Variants in NTRK3 observed in about 807,000 individuals in gnomAD.
The protein encoded by NTRK3 is neurotrophic receptor tyrosine kinase 3.
NTRK3 carries 24 observed loss-of-function variants against 91.7 expected under a neutral mutation model. That is an observed-to-expected ratio of 0.26 (90% CI 0.19 to 0.37). The LOEUF (loss-of-function observed/expected upper bound fraction) is 0.37, where lower values mean the gene tolerates loss of function less well. Among genes scored for constraint, NTRK3 ranks in the 10% least tolerant of loss-of-function variants. The pLI is 1.00. For missense variants in NTRK3, 880 were observed against 1,068.9 expected (o/e 0.82, Z 2.46); for synonymous variants, 483 against 404.0 (o/e 1.20, Z -2.34).
intron 9 of NTRK3, 105 bp downstream of exon 9, chr15:88,135,794 A>G: frequency 6.9e-7 from 1 of 1,459,338 alleles, no homozygotes; most frequent in Admixed American, 1.9e-5. Context: ...CTGGTAGATC[A>G]GCTCACTGCT....
intron 3 of NTRK3, among the ~76,000 whole-genome samples, chr15:88,223,750 T>G (rs2050439114): frequency 6.6e-6 from 1 of 152,168 alleles, no homozygotes; most frequent in Non-Finnish European, 1.5e-5. Context: ...CTACTGCACA[T>G]TAAAAACCCT....
At chr15:87,940,023 G>T (rs2069669094) in intron 15 of NTRK3, among the ~76,000 whole-genome samples, 1 of 152,176 alleles carries the variant, frequency 6.6e-6, no homozygotes, top group Non-Finnish European at 1.5e-5. Flanking sequence ...GCAGCTGCCA[G>T]GAGGAAGTTT....
chr15:88,016,519 G>A (rs2077243310), intron 14 of NTRK3, among the ~76,000 whole-genome samples: 1 of 152,244 alleles, frequency 6.6e-6, no homozygotes, highest in African/African-American at 2.4e-5. Flanking sequence ...GCTAAGCTGT[G>A]TCAGAACTAA....
chr15:87,891,356 G>A (rs1320791450), intron 17 of NTRK3, among the ~76,000 whole-genome samples: 2 of 152,054 alleles, frequency 1.3e-5, no homozygotes, highest in Non-Finnish European at 2.9e-5. Context: ...TTAATTTTTA[G>A]GACTTGCTTT....
chr15:88,006,621 T>C (rs942643101), intron 14 of NTRK3, among the ~76,000 whole-genome samples: 1 of 152,158 alleles, frequency 6.6e-6, no homozygotes, highest in African/African-American at 2.4e-5. Flanking sequence ...CCCCATGGGA[T>C]GGCATGATTC....
At chr15:88,199,469 C>A (rs1266524327) in intron 3 of NTRK3, among the ~76,000 whole-genome samples, 1 of 152,180 alleles carries the variant, frequency 6.6e-6, no homozygotes, top group African/African-American at 2.4e-5. Context: ...AGCAGGAGTT[C>A]TCCTTCCCAG....
chr15:88,116,926 C>G, intron 13 of NTRK3, among the ~76,000 whole-genome samples: 1 of 152,332 alleles, frequency 6.6e-6, no homozygotes, highest in East Asian at 1.9e-4. Context: ...AACTGCACAT[C>G]GAACAAGCTC....
At chr15:88,162,722 G>A (rs35177450) in intron 5 of NTRK3, among the ~76,000 whole-genome samples, 5 of 152,232 alleles carry the variant, frequency 3.3e-5, no homozygotes, top group Non-Finnish European at 5.9e-5. Context: ...GGAAAATAAT[G>A]AGGAACATTT....
chr15:88,216,784 C>T (rs1483099059), intron 3 of NTRK3, among the ~76,000 whole-genome samples: 1 of 152,176 alleles, frequency 6.6e-6, no homozygotes, highest in Non-Finnish European at 1.5e-5. Flanking sequence ...GGCAAGAGCT[C>T]CAGAACTTAT....
chr15:88,118,053 G>A (rs145376853), intron 13 of NTRK3, among the ~76,000 whole-genome samples: 90 of 152,346 alleles, frequency 5.9e-4, no homozygotes, highest in African/African-American at 1.9e-3. Context: ...AGCTGGGGCC[G>A]GGGATTTGCA....
chr15:88,116,803 G>C (rs1024136581), intron 13 of NTRK3, among the ~76,000 whole-genome samples: 11 of 152,178 alleles, frequency 7.2e-5, no homozygotes, highest in Admixed American at 7.2e-4. Flanking sequence ...TCTCTCTACA[G>C]ATATAGGATG....
At chr15:88,121,430 C>T (rs1209337401) in intron 13 of NTRK3, among the ~76,000 whole-genome samples, 1 of 152,152 alleles carries the variant, frequency 6.6e-6, no homozygotes, top group African/African-American at 2.4e-5. Context: ...GTTTCTTCAC[C>T]TGGAAATACG....
At chr15:88,111,717 G>T (rs1165934210) in intron 13 of NTRK3, among the ~76,000 whole-genome samples, 5 of 152,160 alleles carry the variant, frequency 3.3e-5, no homozygotes, top group African/African-American at 1.2e-4. Flanking sequence ...AACTCTAGCA[G>T]GGTCTGTGAA....
intron 3 of NTRK3, among the ~76,000 whole-genome samples, chr15:88,252,051 G>A (rs2053444232): frequency 6.6e-6 from 1 of 152,106 alleles, no homozygotes; most frequent in Admixed American, 6.5e-5. Context: ...AAAACCCCAG[G>A]GCCTCAGGAG....
exon 19 of NTRK3, chr15:87,861,466 TA>T (rs1261359301): frequency 5.0e-6 from 1 of 200,898 alleles, no homozygotes; most frequent in Non-Finnish European, 1.0e-5. Flanking sequence ...TGAAATAAGA[TA>T]TGTAAAGTAG....
chr15:87,867,696 G>A (rs1385386385), exon 19 of NTRK3: 4 of 228,306 alleles, frequency 1.8e-5, no homozygotes, highest in Admixed American at 5.7e-5. Context: ...TTTGGTTCAC[G>A]TTCTAATTCA....
chr15:87,867,794 T>G (rs1052019022), exon 19 of NTRK3: 2 of 227,706 alleles, frequency 8.8e-6, no homozygotes, highest in African/African-American at 4.4e-5. Flanking sequence ...ACATTTATAT[T>G]TGCACTTACT....
intron 14 of NTRK3, among the ~76,000 whole-genome samples, chr15:87,969,867 A>AC (rs1047928339): frequency 6.6e-6 from 1 of 151,972 alleles, no homozygotes; most frequent in African/African-American, 2.4e-5. Context: ...GGGTCTATTA[A>AC]CCCCCAAGCA....
chr15:88,056,867 C>T (rs934993355), intron 13 of NTRK3, among the ~76,000 whole-genome samples: 5 of 152,210 alleles, frequency 3.3e-5, no homozygotes, highest in African/African-American at 1.2e-4. Context: ...CATATGGTAT[C>T]AAGAACACAA....
Sources: gnomAD v4.1 joint callset for allele counts (sites outside exome capture counted in the v4.1 genomes callset) on GRCh38, gnomAD v4.1.1 for gene constraint, MANE v1.5 for transcripts, NCBI Gene and HGNC (gene_info 2026-07-23, HGNC 2026-07-21) for gene names.